Variants in UCP1 observed in about 807,000 individuals in gnomAD.
The protein encoded by UCP1 is mitochondrial brown fat uncoupling protein 1.
Under a neutral mutation model 26.2 loss-of-function variants are expected in UCP1, and 24 were observed. The ratio of observed to expected loss-of-function variants is 0.92; its 90% CI spans 0.66 to 1.29. The LOEUF is 1.29. UCP1 is among the 50% of genes most tolerant of loss of function. UCP1 has a pLI of 0.00. For synonymous variants in UCP1, 164 were observed against 156.8 expected, an observed-to-expected ratio of 1.05 and a Z score of -0.34; for missense variants, 402 against 388.7, an observed-to-expected ratio of 1.03 and a Z score of -0.29.
intron 2 of UCP1, among the ~76,000 whole-genome samples, chr4:140,565,035 C>G (rs950693859): frequency 6.6e-6 from 1 of 152,144 alleles, no homozygotes; most frequent in Non-Finnish European, 1.5e-5. Flanking sequence ...CTTTTCAGTC[C>G]TTTCCACACT....
At chr4:140,563,243 A>G (rs1735720446) in intron 3 of UCP1, 32 bp from the exon 4 acceptor site, 3 of 1,612,132 alleles carry the variant, frequency 1.9e-6, no homozygotes, top group Middle Eastern at 1.6e-4. Flanking sequence ...ATGTTTATTA[A>G]CTCTACTTTA....
chr4:140,567,561 G>T (rs1735824210), intron 2 of UCP1, among the ~76,000 whole-genome samples: 1 of 152,192 alleles, frequency 6.6e-6, no homozygotes, highest in African/African-American at 2.4e-5. Flanking sequence ...AAACTTCCAT[G>T]ACTGGGTGAC....
At chr4:140,566,156 C>G (rs1358071533) in intron 2 of UCP1, among the ~76,000 whole-genome samples, 1 of 152,162 alleles carries the variant, frequency 6.6e-6, no homozygotes, top group Non-Finnish European at 1.5e-5. Context: ...CCTCCTAACT[C>G]ATTTCTGAGA....
chr4:140,568,490 G>C, intron 1 of UCP1, 114 bp downstream of exon 1: 2 of 1,537,748 alleles, frequency 1.3e-6, no homozygotes, highest in Non-Finnish European at 1.8e-6. Context: ...GCTTTGGAAG[G>C]TCACCTACCC....
intron 2 of UCP1, among the ~76,000 whole-genome samples, chr4:140,564,834 A>G (rs1391509713): frequency 6.6e-6 from 1 of 151,400 alleles, no homozygotes; most frequent in African/African-American, 2.4e-5. Context: ...TTCACTTCCC[A>G]ATCAAGCTGG....
intron 5 of UCP1, among the ~76,000 whole-genome samples, chr4:140,560,634 TG>T (rs1226307174): frequency 1.3e-5 from 2 of 152,172 alleles, no homozygotes; most frequent in Non-Finnish European, 2.9e-5. Context: ...AAATTGTTAC[TG>T]TTTAAATGGC....
chr4:140,560,158 T>G (rs1735646504), intron 5 of UCP1, 148 bp from the exon 6 acceptor site: 5 of 683,146 alleles, frequency 7.3e-6, no homozygotes, highest in Admixed American at 2.3e-5. Flanking sequence ...GCTTAAGTGA[T>G]CCTCCCACCT....
rs1289155808 is a variant in UCP1, at chr4:140,563,123, G to A, written c.615C>T (p.Asn205=). The A allele has an allele frequency of 6.2e-7, 1 of 1,613,246 alleles. No homozygotes were observed. Among genetic ancestry groups the A allele is most frequent in the Admixed American group, 1.7e-5 (1 of 59,974 alleles). ...ATGGGAAGTTACCTGCTAATATGTT[G>A]TTTTTCACAAAGGCCTCCTTCATTA... is the stretch of plus-strand genomic sequence containing the variant. ...YDLMKEAFVK[N]NILADDVPCH... Residue 205 remains asparagine (N), a synonymous_variant, in exon 4 of 6, where the codon AAC becomes AAT. Coordinates refer to ENST00000262999, the MANE Select transcript of UCP1 (RefSeq NM_021833.5).
intron 4 of UCP1, 96 bp downstream of exon 4, chr4:140,563,014 A>G (rs1735712206): frequency 3.1e-6 from 3 of 979,606 alleles, no homozygotes; most frequent in African/African-American, 1.6e-5. Flanking sequence ...AGAGAAAACT[A>G]TTGGAGTTAA....
At chr4:140,566,473 C>T (rs1261498014) in intron 2 of UCP1, among the ~76,000 whole-genome samples, 1 of 152,192 alleles carries the variant, frequency 6.6e-6, no homozygotes, top group Non-Finnish European at 1.5e-5. Context: ...GAACGGGCAG[C>T]TTTACCTCCT....
intron 5 of UCP1, among the ~76,000 whole-genome samples, chr4:140,561,434 CCTT>C (rs1299772398): frequency 6.6e-6 from 1 of 152,088 alleles, no homozygotes; most frequent in African/African-American, 2.4e-5. Context: ...CTCGCTGAAA[CCTT>C]GAACTCCTGG....
At chr4:140,567,655 G>A (rs1735826620) in intron 2 of UCP1, 124 bp downstream of exon 2, 1 of 1,243,610 alleles carries the variant, frequency 8.0e-7, no homozygotes, top group Non-Finnish European at 1.2e-6. Context: ...GGGGAAGGGA[G>A]AGTTCAAATA....
chr4:140,562,091 A>G, intron 5 of UCP1, 102 bp downstream of exon 5: 1 of 1,346,070 alleles, frequency 7.4e-7, no homozygotes, highest in Non-Finnish European at 1.1e-6. Context: ...GTATATGAAT[A>G]TACTAAGGCT....
Position 140,563,223 on chromosome 4 carries a change from A to G in UCP1, c.527-12T>C, listed in dbSNP as rs374031496. The G allele has an allele frequency of 1.6e-5, 26 of 1,612,994 alleles. No individual in the cohort carries two copies. The highest frequency in any genetic ancestry group is 2.0e-5 in the Non-Finnish European group (24 of 1,179,594). On this transcript the variant is annotated splice_polypyrimidine_tract_variant and intron_variant, in intron 3 of 5. Transcript: ENST00000262999. ...ATTGGGAGTAGTCCCTGGGGAAAAA[A>G]AAAAAGAAAATGTTTATTAACTCTA...
At position 140,563,222 on chromosome 4, in the gene UCP1, A is replaced by T. The variant is rs1452348630; in HGVS notation, c.527-11T>A. On this transcript the variant is annotated splice_polypyrimidine_tract_variant and intron_variant, in intron 3 of 5. Coordinates refer to ENST00000262999, the MANE Select transcript of UCP1 (RefSeq NM_021833.5). ...GATTGGGAGTAGTCCCTGGGGAAAAAAAAAAAGAAAATGTTTATTAACTCT... is the reference window on the plus strand; with the variant it reads ...GATTGGGAGTAGTCCCTGGGGAAAATAAAAAAGAAAATGTTTATTAACTCT... The T allele has an allele frequency of 6.2e-7, 1 of 1,612,918 alleles. No homozygotes were observed. Among genetic ancestry groups the T allele is most frequent in the Non-Finnish European group, 8.5e-7 (1 of 1,179,588 alleles).
chr4:140,563,580 C>T, intron 2 of UCP1, 62 bp from the exon 3 acceptor site: 2 of 1,416,616 alleles, frequency 1.4e-6, no homozygotes, highest in Admixed American at 2.1e-5. Context: ...GCATGCATGT[C>T]TTTTTAATTT....
At chr4:140,564,388 A>T (rs532257668) in intron 2 of UCP1, among the ~76,000 whole-genome samples, 19 of 152,362 alleles carry the variant, frequency 1.2e-4, no homozygotes, top group African/African-American at 4.6e-4. Flanking sequence ...AGATTTCATT[A>T]AGTACAAATA....
At chr4:140,560,065 A>G (rs1270551150) in intron 5 of UCP1, 55 bp from the exon 6 acceptor site, 1 of 1,418,234 alleles carries the variant, frequency 7.1e-7, no homozygotes, top group Non-Finnish European at 9.9e-7. Context: ...TTTTTTTTTA[A>G]TTTTTGAGAT....
intron 2 of UCP1, among the ~76,000 whole-genome samples, chr4:140,566,898 A>G (rs1735811112): frequency 1.3e-5 from 2 of 152,240 alleles, no homozygotes; most frequent in Non-Finnish European, 2.9e-5. Context: ...AGTAGAGAAC[A>G]GGGTTAGGAG....
Sources: allele counts gnomAD v4.1 joint callset (sites outside exome capture counted in the v4.1 genomes callset), GRCh38; gene constraint gnomAD v4.1.1; transcripts MANE v1.5; gene names NCBI Gene and HGNC (gene_info 2026-07-23, HGNC 2026-07-21).